The following GAS7 variants were observed in gnomAD, a reference collection of about 807,000 sequenced individuals.
GAS7 encodes the protein growth arrest-specific protein 7.
A neutral mutation model predicts 71.1 loss-of-function variants in GAS7; 28 were observed. The ratio of observed to expected loss-of-function variants is 0.39; its 90% CI spans 0.29 to 0.54. The LOEUF is 0.54. Among genes scored for constraint, GAS7 ranks in the 20% least tolerant of loss-of-function variants. The pLI, the probability that GAS7 is intolerant of heterozygous loss-of-function variation, is 0.62. For missense variants in GAS7, 436 were observed against 627.8 expected (o/e 0.69, Z 3.27); for synonymous variants, 258 against 245.8 (o/e 1.05, Z -0.46).
rs115184333 is a variant in GAS7 at position 10,040,884 on chromosome 17, G to A, written c.184-20987C>T. 9.3e-4 allele frequency among the ~76,000 whole-genome samples: 141 copies of A among 152,262 alleles called. 1 individual carries two copies. The highest frequency in any genetic ancestry group is 3.3e-3 in the African/African-American group (138 of 41,550). On this transcript the variant is annotated intron_variant, in intron 1 of 13. Coordinates refer to ENST00000432992, the MANE Select transcript of GAS7 (RefSeq NM_201433.2). ...ACCCATAAGAAGGTAAAAGCGGGCC[G>A]GGCACGGTGGCTCACACCTGTAATC...
intron 1 of GAS7, among the ~76,000 whole-genome samples, chr17:10,145,187 C>T (rs1194368202): frequency 6.6e-6 from 1 of 152,252 alleles, no homozygotes; most frequent in African/African-American, 2.4e-5. Context: ...GGCTGACAGC[C>T]AGCAGCACCG....
chr17:10,067,585 C>G (rs908551150), intron 1 of GAS7, among the ~76,000 whole-genome samples: 16 of 152,178 alleles, frequency 1.1e-4, no homozygotes, highest in Admixed American at 3.9e-4. Context: ...CCCCCACCCC[C>G]TCTGGCTAGG....
intron 1 of GAS7, among the ~76,000 whole-genome samples, chr17:10,101,273 C>T (rs1356239699): frequency 1.3e-5 from 2 of 152,200 alleles, no homozygotes; most frequent in Non-Finnish European, 2.9e-5. Context: ...GGAGAATCTG[C>T]TTCCAAACTC....
rs2074268249 is a variant in GAS7 at position 10,163,089 on chromosome 17, C to T, written c.183+35119G>A. Among the ~76,000 whole-genome samples the T allele has an allele frequency of 2.0e-5, 3 of 152,084 alleles. No individual in the cohort carries two copies. In the South Asian group the frequency reaches 6.2e-4, roughly 32 times the overall value. On this transcript the variant is annotated intron_variant, in intron 1 of 13. Coordinates refer to ENST00000432992, the MANE Select transcript of GAS7 (RefSeq NM_201433.2). ...CAGGCCAGACACGATGGCTCAGAAACCCTGTCTCTACAAAGAAAAAAAAAT... is the reference window on the plus strand; with the variant it reads ...CAGGCCAGACACGATGGCTCAGAAATCCTGTCTCTACAAAGAAAAAAAAAT...
At chr17:10,101,733 T>C (rs1004921593) in intron 1 of GAS7, among the ~76,000 whole-genome samples, 16 of 152,216 alleles carry the variant, frequency 1.1e-4, no homozygotes, top group Admixed American at 7.2e-4. Flanking sequence ...GGCTGACTCT[T>C]CCAGGCACTC....
chr17:9,925,361 C>T lies in GAS7; in HGVS notation c.1138+115G>A, dbSNP rs574668329. The T allele has an allele frequency of 2.6e-5, 27 of 1,036,554 alleles. No individual in the cohort carries two copies. The African/African-American group carries it at 3.9e-4, about 15-fold the overall frequency. 64.2% of individuals were successfully genotyped at this position (1,036,554 alleles called of 1,614,324 possible). On this transcript the variant is annotated intron_variant, in intron 11 of 13. Transcript: ENST00000432992. ...TCCTGGCAAACAAGGGAAGTAATTT[C>T]CTCGCTGCAGTCTTGCAAAGGAGAG...
intron 2 of GAS7, among the ~76,000 whole-genome samples, chr17:10,019,486 G>A (rs868193304): frequency 5.3e-5 from 8 of 152,010 alleles, no homozygotes; most frequent in Admixed American, 1.3e-4. Context: ...AGCCCCAGAC[G>A]AACAGGTTGG....
intron 9 of GAS7, 42 bp downstream of exon 9, chr17:9,934,124 A>G: frequency 8.1e-7 from 1 of 1,242,214 alleles, no homozygotes; most frequent in South Asian, 1.2e-5. Flanking sequence ...TTAGTACCCC[A>G]GTGTGTAAGA....
chr17:10,075,572 A>T (rs1303743469), intron 1 of GAS7, among the ~76,000 whole-genome samples: 5 of 152,072 alleles, frequency 3.3e-5, no homozygotes, highest in Non-Finnish European at 7.4e-5. Context: ...AGGTGGGAGG[A>T]TCACTTGAGC....
intron 1 of GAS7, among the ~76,000 whole-genome samples, chr17:10,049,216 G>C (rs969519430): frequency 6.6e-6 from 1 of 152,146 alleles, no homozygotes; most frequent in African/African-American, 2.4e-5. Flanking sequence ...CATTTTCTTC[G>C]CCGTGGAACT....
At chr17:9,947,041 G>C (rs142204782) in intron 5 of GAS7, 58 bp from the exon 6 acceptor site, 11 of 1,208,476 alleles carry the variant, frequency 9.1e-6, no homozygotes, top group South Asian at 3.7e-5. Context: ...AGCGAGGAAG[G>C]CTTCGGCTCC....
chr17:10,008,167 T>C (rs1413188561), intron 2 of GAS7, among the ~76,000 whole-genome samples: 1 of 151,948 alleles, frequency 6.6e-6, no homozygotes, highest in Non-Finnish European at 1.5e-5. Context: ...CTGGCCATAA[T>C]AAATAATGCT....
intron 1 of GAS7, among the ~76,000 whole-genome samples, chr17:10,037,410 G>A (rs1182891580): frequency 1.3e-5 from 2 of 151,638 alleles, no homozygotes; most frequent in Admixed American, 6.6e-5. Context: ...GCTTTCAGAT[G>A]CAAACCTTTG....
At chr17:10,139,561 C>T in intron 1 of GAS7, among the ~76,000 whole-genome samples, 1 of 152,188 alleles carries the variant, frequency 6.6e-6, no homozygotes, top group East Asian at 1.9e-4. Context: ...TTTCACACAG[C>T]AAGGAAGTCA....
At chr17:9,935,083 C>T (rs996621002) in intron 8 of GAS7, among the ~76,000 whole-genome samples, 5 of 152,186 alleles carry the variant, frequency 3.3e-5, no homozygotes, top group Non-Finnish European at 5.9e-5. Flanking sequence ...TATCACACAG[C>T]GCTGCTTATA....
intron 1 of GAS7, among the ~76,000 whole-genome samples, chr17:10,180,706 C>T (rs945822310): frequency 6.6e-6 from 1 of 152,114 alleles, no homozygotes; most frequent in African/African-American, 2.4e-5. Flanking sequence ...TGTTACCTAT[C>T]CTATGCATGT....
rs1386191351 is a variant in GAS7 at position 10,034,606 on chromosome 17, G to A, written c.184-14709C>T. Among the ~76,000 whole-genome samples, 1 of 152,132 alleles carries A rather than the reference G, an allele frequency of 6.6e-6. No individual in the cohort carries two copies. Among genetic ancestry groups the A allele is most frequent in the African/African-American group, 2.4e-5 (1 of 41,428 alleles). On this transcript the variant is annotated intron_variant, in intron 1 of 13. Coordinates refer to ENST00000432992, the MANE Select transcript of GAS7 (RefSeq NM_201433.2). This position sits in a 1 kb window ranked among gnomAD's most constrained non-coding sequence, Gnocchi z 4.4. ...TTACAGGCGTGAGCCACTGCGCCCG[G>A]CCCAATAATTCTAAATGTCAGCATT...
chr17:9,948,081 G>A (rs1213334613), intron 5 of GAS7, among the ~76,000 whole-genome samples: 2 of 152,192 alleles, frequency 1.3e-5, no homozygotes, highest in African/African-American at 4.8e-5. Flanking sequence ...ACATAAACAT[G>A]CAAAATATGT....
At chr17:10,069,694 C>T (rs1367918406) in intron 1 of GAS7, among the ~76,000 whole-genome samples, 3 of 152,212 alleles carry the variant, frequency 2.0e-5, no homozygotes, top group Non-Finnish European at 2.9e-5. Flanking sequence ...GCCTATCTTT[C>T]ACTGATCACC....
Sources: gnomAD v4.1 joint callset for allele counts (sites outside exome capture counted in the v4.1 genomes callset) on GRCh38, gnomAD v4.1.1 for gene constraint, Gnocchi (gnomAD v3.1) non-coding constraint, MANE v1.5 for transcripts, NCBI Gene and HGNC (gene_info 2026-07-23, HGNC 2026-07-21) for gene names.